FLII: variants seen among roughly 807,000 people sequenced by gnomAD.
FLII encodes FLII actin remodeling protein, also known as protein flightless-1 homolog.
A neutral mutation model predicts 156.2 loss-of-function variants in FLII; 101 were observed. The ratio of observed to expected loss-of-function variants is 0.65; its 90% CI spans 0.55 to 0.76. The LOEUF (loss-of-function observed/expected upper bound fraction) is 0.76. Among genes scored for constraint, FLII ranks in the 30% least tolerant of loss-of-function variants. The pLI is 0.00. For synonymous variants in FLII, 767 were observed against 685.8 expected, an observed-to-expected ratio of 1.12 and a Z score of -1.85; for missense variants, 1,675 against 1,682.8, an observed-to-expected ratio of 1.00 and a Z score of 0.08.
chr17:18,247,486 G>A (rs1396476597), intron 20 of FLII, 129 bp from the exon 21 acceptor site: 6 of 1,087,766 alleles, frequency 5.5e-6, no homozygotes, highest in African/African-American at 1.6e-5. Flanking sequence ...CCTCGGACAC[G>A]GAGGTAGGAA....
intron 14 of FLII, 118 bp downstream of exon 14, chr17:18,250,720 T>A: frequency 8.8e-7 from 1 of 1,131,360 alleles, no homozygotes. Flanking sequence ...CCACCCCCTT[T>A]AACCCCAGCT....
rs757260907 is a variant in FLII at position 18,247,155 on chromosome 17, G to A, written c.2676+14C>T. On this transcript the variant is annotated intron_variant, in intron 21 of 29. Transcript: ENST00000327031. ...ACCCCCCCCCCCGCGCCCCGGTCCC[G>A]GCCCTGCCCCCACCTCGGCCAGCGA... 1.1e-5 allele frequency: 11 copies of A among 990,360 alleles called. No homozygotes were observed. The South Asian group carries it at 1.7e-4, about 15-fold the overall frequency. 61.3% of individuals were successfully genotyped at this position (990,360 alleles called of 1,614,324 possible). A position where few individuals can be genotyped will look rare whatever the true frequency, so the allele number is the denominator to read the frequency against.
chr17:18,246,879 G>C (rs761554189), intron 22 of FLII, 34 bp downstream of exon 22: 1 of 1,614,076 alleles, frequency 6.2e-7, no homozygotes, highest in Non-Finnish European at 8.5e-7. Flanking sequence ...AGCACCAGGG[G>C]AGGGACTTGG....
Position 18,253,420 on chromosome 17 carries a change from G to A in FLII, c.894C>T (p.Tyr298=). The change falls in exon 9 of 30, where the codon TAC becomes TAT. Residue 298 remains tyrosine, a synonymous_variant. Coordinates refer to ENST00000327031, the MANE Select transcript of FLII (RefSeq NM_002018.4). ...CAAAGTCCAGCTTGTTGGAATTCAG[G>A]TACAGCTTCTTCAGCTTGCTCAGCT... is the stretch of plus-strand genomic sequence containing the variant. ...ICKLSKLKKL[Y]LNSNKLDFDG... 1 of 1,613,930 alleles carries A rather than the reference G, an allele frequency of 6.2e-7. No homozygotes were observed.
rs761847290 is a variant in FLII, at chr17:18,251,367, C to A, written c.1494G>T (p.Leu498=). ...CTATCTGCCAGATGGTCAGTCCGGGCAGCTGGCCCACGTCCTCCGTGAAGA... is the reference window on the plus strand; with the variant it reads ...CTATCTGCCAGATGGTCAGTCCGGGAAGCTGGCCCACGTCCTCCGTGAAGA... ...SEFFTEDVGQ[L]PGLTIWQIEN... The change falls in exon 13 of 30, where the codon CTG becomes CTT. Residue 498 remains leucine, a synonymous_variant. Coordinates refer to ENST00000327031, the MANE Select transcript of FLII (RefSeq NM_002018.4). 6.2e-7 allele frequency: 1 copy of A among 1,613,790 alleles called. No homozygotes were observed. Among genetic ancestry groups the A allele is most frequent in the South Asian group, 1.1e-5 (1 of 91,090 alleles).
At chr17:18,257,381 C>G (rs1429496865) in intron 1 of FLII, 3 of 247,890 alleles carry the variant, frequency 1.2e-5, no homozygotes, top group Non-Finnish European at 1.6e-5. Flanking sequence ...GGTGGGGGAT[C>G]CCCCTTCCAA....
chr17:18,244,958 C>A lies in FLII; in HGVS notation c.*180G>T. ...TCACACTGTGGAGAGAGTTGGATTT[C>A]CCAGACCCCTGAGGGCACCTGTCAG... On this transcript the variant is annotated 3_prime_UTR_variant, in exon 30 of 30. Transcript: ENST00000327031. 1.5e-6 allele frequency: 1 copy of A among 686,496 alleles called. No homozygotes were observed. Among genetic ancestry groups the A allele is most frequent in the South Asian group, 1.9e-5 (1 of 52,226 alleles). The allele number at this position is 686,496 out of a possible 1,614,324, so 42.5% of individuals were successfully genotyped here.
At chr17:18,258,969 G>C (rs971147998), upstream of FLII, 6 of 224,114 alleles carry the variant, frequency 2.7e-5, no homozygotes, top group Non-Finnish European at 5.2e-5. The surrounding 1 kb of genome is among the most constrained non-coding windows in gnomAD (Gnocchi z 4.2). Flanking sequence ...GGCAGGGGCC[G>C]TAACGGCCGC....
In FLII at chr17:18,247,978, A is replaced by G. The variant is rs747825794; in HGVS notation, c.2246T>C (p.Val749Ala). The change falls in exon 19 of 30, where the codon GTG becomes GCG. Residue 749 changes from valine (V) to alanine (A), a missense_variant. Physicochemically the swap from Val to Ala is moderately conservative, Grantham distance 64. Coordinates refer to ENST00000327031, the MANE Select transcript of FLII (RefSeq NM_002018.4). The part of the protein sequence containing the change: ...ELPQINYKLS[V>A]EHKQRPKVEL... ...CACCTTGGGACGCTGCTTATGTTCC[A>G]CGGAGAGCTTGTAGTTGATCTGTGG... The G allele has an allele frequency of 6.2e-7, 1 of 1,613,944 alleles. No individual in the cohort carries two copies. Among genetic ancestry groups the G allele is most frequent in the Admixed American group, 1.7e-5 (1 of 59,966 alleles).
intron 3 of FLII, 58 bp from the exon 4 acceptor site, chr17:18,255,321 A>C: frequency 7.1e-7 from 1 of 1,400,490 alleles, no homozygotes; most frequent in Non-Finnish European, 1.0e-6. Flanking sequence ...GAAGGAACAG[A>C]GTCTAGAGAG....
chr17:18,246,780 C>G lies in FLII; in HGVS notation c.2865G>C (p.Lys955Asn). The change falls in exon 23 of 30, where the codon AAG becomes AAC. Residue 955 changes from lysine (K) to asparagine (N), a missense_variant. Lys to Asn is a moderately conservative substitution (Grantham distance 94, BLOSUM62 0). Transcript: ENST00000327031. The stretch of plus-strand genomic sequence containing the variant: ...CTTCTTTGCCCTCGGCCTTCTCCTC[C>G]TTGTCTTCCTTCTTTTCCTCCTCCT... ...EYEEEEKKEDKEEKAEGKEGE... is the reference protein window; with the variant it reads ...EYEEEEKKEDNEEKAEGKEGE... 6.2e-7 allele frequency: 1 copy of G among 1,613,576 alleles called. No individual in the cohort carries two copies. The highest frequency in any genetic ancestry group is 2.2e-5 in the East Asian group (1 of 44,866).
At chr17:18,247,516 A>AG in intron 20 of FLII, 141 bp downstream of exon 20, 1 of 1,039,462 alleles carries the variant, frequency 9.6e-7, no homozygotes, top group Non-Finnish European at 1.4e-6. Context: ...CAGCTTGCAG[A>AG]GGGGGCGGGG....
intron 19 of FLII, 24 bp downstream of exon 19, chr17:18,247,905 A>G (rs1277494466): frequency 1.2e-6 from 2 of 1,612,462 alleles, no homozygotes; most frequent in East Asian, 4.5e-5. Flanking sequence ...ATCTGGCCCC[A>G]CGCCCTCCTC....
In FLII at chr17:18,245,946, G is replaced by A. The variant is rs57694884; in HGVS notation, c.3384C>T (p.Ser1128=). 1 of 1,614,028 alleles carries A rather than the reference G, an allele frequency of 6.2e-7. No homozygotes were observed. The highest frequency in any genetic ancestry group is 2.2e-5 in the East Asian group (1 of 44,858). Residue 1128 remains serine (S), a synonymous_variant, in exon 26 of 30, where the codon TCC becomes TCT. Coordinates refer to ENST00000327031, the MANE Select transcript of FLII (RefSeq NM_002018.4). ...CCCGCCTCCTGACCTGCTTGCTGTA[G>A]GAGGTGTCAAACATGGTGTTCAGGA... ...EDILNTMFDT[S]YSKQVINEGE...
intron 16 of FLII, 73 bp from the exon 17 acceptor site, chr17:18,248,956 C>CA (rs1215811453): frequency 6.9e-5 from 101 of 1,454,354 alleles, no homozygotes; most frequent in Middle Eastern, 1.8e-4. Context: ...CTGACCCCAC[C>CA]AAAAAAAATC....
chr17:18,245,484 C>A, intron 28 of FLII, 65 bp from the exon 29 acceptor site: 2 of 1,612,024 alleles, frequency 1.2e-6, no homozygotes, highest in Non-Finnish European at 1.7e-6. Context: ...GCTCCTGGCC[C>A]GAGAATTCCC....
chr17:18,248,541 A>G lies in FLII; in HGVS notation c.2190+9T>C, dbSNP rs755810575. 4.6e-4 allele frequency: 733 copies of G among 1,592,462 alleles called. No homozygotes were observed. The highest frequency in any genetic ancestry group is 6.0e-4 in the Non-Finnish European group (705 of 1,166,894). The stretch of plus-strand genomic sequence containing the variant: ...GGAGGCCAAGGTGGGCCTCAGCAGC[A>G]GGGCTCACCTTGTACAGCTTGGGCT... On this transcript the variant is annotated intron_variant, in intron 18 of 29. Transcript: ENST00000327031.
intron 1 of FLII, 196 bp from the exon 2 acceptor site, chr17:18,257,215 T>C (rs1195803832): frequency 5.4e-6 from 3 of 552,132 alleles, no homozygotes; most frequent in South Asian, 4.6e-5. Context: ...GTGACAAAAG[T>C]GTTGGCCTAA....
At chr17:18,249,510 G>T in intron 14 of FLII, 102 bp from the exon 15 acceptor site, 1 of 834,116 alleles carries the variant, frequency 1.2e-6, no homozygotes, top group Non-Finnish European at 2.0e-6. Flanking sequence ...GGTGAATTGA[G>T]TGCTACAAAT....
Sources: allele counts gnomAD v4.1 joint callset, GRCh38; gene constraint gnomAD v4.1.1; non-coding constraint Gnocchi (gnomAD v3.1); transcripts MANE v1.5; gene names NCBI Gene and HGNC (gene_info 2026-07-23, HGNC 2026-07-21).